Variants in TNK2 observed in about 807,000 individuals in gnomAD.
The protein encoded by TNK2 is tyrosine kinase non receptor 2, also known as activated CDC42 kinase 1.
In TNK2, 83 loss-of-function variants were observed where a neutral mutation model predicts 101.8. The observed-to-expected ratio is 0.82, with a 90% CI of 0.68 to 0.98. The LOEUF is 0.98. Ranked by LOEUF, TNK2 falls within the 50% of genes least tolerant of loss-of-function variation. The pLI is 0.00. For missense variants in TNK2, 1,665 were observed against 1,483.2 expected, an observed-to-expected ratio of 1.12 and a Z score of -2.01; for synonymous variants, 804 against 633.0, an observed-to-expected ratio of 1.27 and a Z score of -4.06.
intron 1 of TNK2, chr3:195,896,093 T>C (rs1272038342): frequency 2.2e-6 from 1 of 455,774 alleles, no homozygotes; most frequent in Non-Finnish European, 4.4e-6. Flanking sequence ...CCCGGACTCC[T>C]GCTCAAAAGC....
chr3:195,875,784 C>T (rs1038864343), intron 9 of TNK2, among the ~76,000 whole-genome samples: 1 of 152,174 alleles, frequency 6.6e-6, no homozygotes, highest in Non-Finnish European at 1.5e-5. Context: ...GGCCCAACAC[C>T]TCCGCATGAA....
intron 1 of TNK2, among the ~76,000 whole-genome samples, chr3:195,907,626 G>A (rs1307568498): frequency 6.6e-6 from 1 of 152,234 alleles, no homozygotes; most frequent in Non-Finnish European, 1.5e-5. Flanking sequence ...GGCGGAATGA[G>A]TAGGTCTGGC....
intron 12 of TNK2, 22 bp from the exon 13 acceptor site, chr3:195,868,731 C>A: frequency 6.6e-7 from 1 of 1,526,596 alleles, no homozygotes; most frequent in Non-Finnish European, 8.7e-7. Flanking sequence ...AGGGAGAGCC[C>A]AACAGGAAGG....
intron 1 of TNK2, chr3:195,895,343 G>A (rs770811582): frequency 6.4e-7 from 1 of 1,562,094 alleles, no homozygotes. Context: ...GAGAAGCAGC[G>A]CCCGCAGCCC....
At chr3:195,896,385 G>A (rs985003905) in intron 1 of TNK2, 2 of 309,290 alleles carry the variant, frequency 6.5e-6, no homozygotes, top group South Asian at 2.3e-5. Context: ...AGGTCACTAG[G>A]TGAGGCTCCC....
At chr3:195,869,606 A>C in intron 11 of TNK2, 65 bp from the exon 12 acceptor site, 1 of 1,487,760 alleles carries the variant, frequency 6.7e-7, no homozygotes, top group Non-Finnish European at 9.2e-7. Flanking sequence ...AAGGAGGGAG[A>C]CGGCCGGACG....
At chr3:195,902,186 C>G (rs2149857950) in intron 1 of TNK2, among the ~76,000 whole-genome samples, 1 of 152,260 alleles carries the variant, frequency 6.6e-6, no homozygotes, top group South Asian at 2.1e-4. Flanking sequence ...AATCACAAAT[C>G]CCAGCGTGAG....
At chr3:195,887,900 G>GTGTGTGCACGTGCATGCGTTTT (rs1756672526) in intron 2 of TNK2, among the ~76,000 whole-genome samples, 1 of 127,240 alleles carries the variant, frequency 7.9e-6, no homozygotes, top group African/African-American at 4.6e-5. Context: ...ACGTGCATGC[G>GTGTGTGCACGTGCATGCGTTTT]TGTGTGCACG....
chr3:195,904,080 C>T (rs1761493815), intron 1 of TNK2, among the ~76,000 whole-genome samples: 1 of 151,070 alleles, frequency 6.6e-6, no homozygotes, highest in Non-Finnish European at 1.5e-5. Flanking sequence ...TGCCAAACTC[C>T]CGTCTCTACA....
chr3:195,873,053 C>G (rs1746537146), intron 9 of TNK2, among the ~76,000 whole-genome samples: 2 of 152,152 alleles, frequency 1.3e-5, no homozygotes, highest in African/African-American at 4.8e-5. Flanking sequence ...AGCACTCGGG[C>G]AACTCAGTCC....
At chr3:195,879,005 A>G in intron 7 of TNK2, 44 bp downstream of exon 7, 1 of 1,602,168 alleles carries the variant, frequency 6.2e-7, no homozygotes, top group Non-Finnish European at 8.5e-7. Context: ...AGGGAATGGA[A>G]TTCACCCCAC....
At chr3:195,895,347 G>A (rs1253671027) in intron 1 of TNK2, 17 of 1,560,340 alleles carry the variant, frequency 1.1e-5, no homozygotes, top group Middle Eastern at 1.7e-4. Flanking sequence ...AGCAGCGCCC[G>A]CAGCCCCCGC....
chr3:195,869,947 C>T, intron 11 of TNK2, 167 bp downstream of exon 11: 1 of 604,462 alleles, frequency 1.7e-6, no homozygotes, highest in East Asian at 2.9e-5. Flanking sequence ...AGCTGCCTGT[C>T]TTCCACCCCA....
At chr3:195,870,399 G>C in intron 10 of TNK2, 194 bp from the exon 11 acceptor site, 1 of 1,447,170 alleles carries the variant, frequency 6.9e-7, no homozygotes, top group Non-Finnish European at 9.2e-7. Context: ...GGCAGAGAAA[G>C]GACACCTGAC....
rs370787699 is a variant in TNK2, at chr3:195,888,595, G to A, written c.-7C>T. 5.7e-5 allele frequency: 92 copies of A among 1,608,166 alleles called. No individual in the cohort carries two copies. The highest frequency in any genetic ancestry group is 2.2e-4 in the Admixed American group (13 of 59,836). On this transcript the variant is annotated 5_prime_UTR_variant, in exon 2 of 16. Transcript: ENST00000672887. The surrounding 1 kb of genome is among the most constrained non-coding windows in gnomAD (Gnocchi z 5.3). ...TGCCCTCCTCTGGCTGCATTCTGCC[G>A]CCTCCCAGCCTCTGTGGGGGGAGGA...
intron 1 of TNK2, among the ~76,000 whole-genome samples, chr3:195,897,820 C>G (rs1338921045): frequency 5.7e-4 from 3 of 5,254 alleles, no homozygotes; most frequent in African/African-American, 1.5e-3. Context: ...ACCCCCCCAC[C>G]CCCCCCCCAC....
intron 1 of TNK2, chr3:195,892,104 CA>C: frequency 1.4e-6 from 1 of 702,850 alleles, no homozygotes; most frequent in South Asian, 4.8e-5. Context: ...CTTTGTGCAG[CA>C]CAGGGCATGG....
intron 14 of TNK2, 73 bp downstream of exon 14, chr3:195,867,096 G>T: frequency 6.2e-7 from 1 of 1,607,816 alleles, no homozygotes; most frequent in Non-Finnish European, 8.5e-7. Flanking sequence ...GGAGCCAGGG[G>T]GCGTGGGGCT....
chr3:195,870,425 C>T lies in TNK2; in HGVS notation c.1452-220G>A, dbSNP rs763722831. 12 of 1,394,704 alleles carry T rather than the reference C, an allele frequency of 8.6e-6. No individual in the cohort carries two copies. In the African/African-American group the frequency reaches 1.6e-4, roughly 19 times the overall value. The allele number at this position is 1,394,704 out of a possible 1,614,324, so 86.4% of individuals were successfully genotyped here. ...GACACCTGACCCCAGGATGGAAAGC[C>T]TAGGACCTCAGGGACTCCAACTACA... is the stretch of plus-strand genomic sequence containing the variant. On this transcript the variant is annotated intron_variant, in intron 10 of 15. Coordinates refer to ENST00000672887, the MANE Select transcript of TNK2 (RefSeq NM_001382273.1).
Sources: gnomAD v4.1 joint callset for allele counts (sites outside exome capture counted in the v4.1 genomes callset) on GRCh38, gnomAD v4.1.1 for gene constraint, Gnocchi (gnomAD v3.1) non-coding constraint, MANE v1.5 for transcripts, NCBI Gene and HGNC (gene_info 2026-07-23, HGNC 2026-07-21) for gene names.